Variants in RETREG1 observed in about 807,000 individuals in gnomAD.
RETREG1 encodes family with sequence similarity 134 member B.
RETREG1 carries 44 observed loss-of-function variants against 54.8 expected under a neutral mutation model. That is an observed-to-expected ratio of 0.80 (90% confidence interval 0.63 to 1.03). RETREG1 has a LOEUF of 1.03. RETREG1 is among the 50% of genes least tolerant of loss of function. The pLI, the probability that RETREG1 is intolerant of heterozygous loss-of-function variation, is 0.00. For synonymous variants in RETREG1, 217 were observed against 238.5 expected (o/e 0.91, Z 0.83); for missense variants, 554 against 605.1 (o/e 0.92, Z 0.89).
chr5:16,616,929 G>T lies in RETREG1; in HGVS notation c.43C>A (p.Pro15Thr). The change falls in exon 1 of 9, where the codon CCG becomes ACG. Residue 15 changes from proline to threonine, a missense_variant. Transcript: ENST00000306320. ...GCCTGCTCCTCGGCGGCAGGAGCCG[G>T]GCATCCCTCCTCGGCGTGCTCCGGA... Reference protein sequence around the residue: ...APPEHAEEGCPAPAAEEQAPP... With the variant: ...APPEHAEEGCTAPAAEEQAPP... 1 of 1,475,712 alleles carries T rather than the reference G, an allele frequency of 6.8e-7. No individual in the cohort carries two copies. The highest frequency in any genetic ancestry group is 2.3e-5 in the Admixed American group (1 of 42,884). 91.4% of individuals were successfully genotyped at this position (1,475,712 alleles called of 1,614,324 possible).
rs149699922 is a variant in RETREG1 at position 16,528,477 on chromosome 5, T to G, written c.458+37286A>C. Reference sequence around the variant, plus strand: ...GTGATGGATATATATTCCACCTGCCTGGGACAGGAGTCAGCTCTGGATGAC... The same window carrying G: ...GTGATGGATATATATTCCACCTGCCGGGGACAGGAGTCAGCTCTGGATGAC... On this transcript the variant is annotated intron_variant, in intron 3 of 8. Coordinates refer to ENST00000306320, the MANE Select transcript of RETREG1 (RefSeq NM_001034850.3). 6.3e-4 allele frequency among the ~76,000 whole-genome samples: 96 copies of G among 152,240 alleles called. No individual in the cohort carries two copies. In the East Asian group the frequency reaches 0.018, roughly 29 times the overall value.
At chr5:16,534,956 T>C (rs1017771259) in intron 3 of RETREG1, among the ~76,000 whole-genome samples, 5 of 152,210 alleles carry the variant, frequency 3.3e-5, no homozygotes, top group Non-Finnish European at 7.3e-5. Flanking sequence ...GGTCCAGGGA[T>C]AGATAAGAGA....
chr5:16,542,886 T>C lies in RETREG1; in HGVS notation c.458+22877A>G, dbSNP rs1389576427. On this transcript the variant is annotated intron_variant, in intron 3 of 8. Transcript: ENST00000306320. ...ACTGCGCATAAGTTTTAACGTTTGA[T>C]AACTTTTGACAGAGCTATACAGCCA... Among the ~76,000 whole-genome samples the C allele has an allele frequency of 2.0e-5, 3 of 152,218 alleles. No homozygotes were observed. The East Asian group carries it at 5.8e-4, about 29-fold the overall frequency.
In RETREG1 at chr5:16,585,403, C is replaced by A. The variant is rs2637146; in HGVS notation, c.321-13301G>T. Among the ~76,000 whole-genome samples, 44,413 of 151,986 alleles carry A rather than the reference C, an allele frequency of 0.29. 6,586 individuals carry two copies. The highest frequency in any genetic ancestry group is 0.42 in the East Asian group (2,153 of 5,154). On this transcript the variant is annotated intron_variant, in intron 1 of 8. Transcript: ENST00000306320. This position sits in a 1 kb window ranked among gnomAD's most constrained non-coding sequence, Gnocchi z 4.5. ...GAAACTGAGCATGCTCTACTGTGCACCCTTGCACTGGAATTATGAGAAAAG... is the reference window on the plus strand; with the variant it reads ...GAAACTGAGCATGCTCTACTGTGCAACCTTGCACTGGAATTATGAGAAAAG...
intron 1 of RETREG1, among the ~76,000 whole-genome samples, chr5:16,584,144 G>C (rs1164139608): frequency 5.9e-5 from 9 of 152,162 alleles, no homozygotes; most frequent in Non-Finnish European, 1.3e-4. Flanking sequence ...TGGGAGAAAG[G>C]GTGGAGGGGG....
At chr5:16,573,479 A>G (rs1419339157) in intron 1 of RETREG1, among the ~76,000 whole-genome samples, 1 of 152,194 alleles carries the variant, frequency 6.6e-6, no homozygotes, top group Non-Finnish European at 1.5e-5. Flanking sequence ...ACTCATAGAA[A>G]AATTAATTTA....
chr5:16,479,678 A>G (rs1642809528), intron 5 of RETREG1, among the ~76,000 whole-genome samples: 1 of 152,144 alleles, frequency 6.6e-6, no homozygotes, highest in South Asian at 2.1e-4. Flanking sequence ...TGCATTATGC[A>G]TTAAGAATAC....
At position 16,585,574 on chromosome 5, in the gene RETREG1, C is replaced by T. The variant is rs540742297; in HGVS notation, c.321-13472G>A. 6.6e-5 allele frequency among the ~76,000 whole-genome samples: 10 copies of T among 152,254 alleles called. No homozygotes were observed. Among genetic ancestry groups the T allele is most frequent in the Non-Finnish European group, 1.2e-4 (8 of 68,022 alleles). ...CAGGGAAGGGGACTTCGAGGCAGGG[C>T]GGGTGAGTCAAGTTCTGCAGCCCAC... On this transcript the variant is annotated intron_variant, in intron 1 of 8. Coordinates refer to ENST00000306320, the MANE Select transcript of RETREG1 (RefSeq NM_001034850.3). This position sits in a 1 kb window ranked among gnomAD's most constrained non-coding sequence, Gnocchi z 4.5.
intron 1 of RETREG1, among the ~76,000 whole-genome samples, chr5:16,610,075 C>A (rs908196534): frequency 6.6e-6 from 1 of 152,142 alleles, no homozygotes; most frequent in African/African-American, 2.4e-5. Context: ...TAGCCCAGGA[C>A]CTCACTTTGA....
chr5:16,562,676 C>G (rs1741890802), intron 3 of RETREG1, among the ~76,000 whole-genome samples: 1 of 152,156 alleles, frequency 6.6e-6, no homozygotes, highest in Non-Finnish European at 1.5e-5. Context: ...AAAACACATA[C>G]CCCCAATCTA....
At chr5:16,548,009 T>C (rs1741434562) in intron 3 of RETREG1, among the ~76,000 whole-genome samples, 1 of 152,138 alleles carries the variant, frequency 6.6e-6, no homozygotes, top group East Asian at 1.9e-4. Context: ...TTATATCCTA[T>C]AAGTACATAA....
intron 3 of RETREG1, among the ~76,000 whole-genome samples, chr5:16,548,995 G>C (rs571228515): frequency 3.2e-4 from 48 of 152,368 alleles, no homozygotes; most frequent in African/African-American, 1.1e-3. Flanking sequence ...CACTGACACA[G>C]TAGCAGAGCT....
intron 1 of RETREG1, among the ~76,000 whole-genome samples, chr5:16,596,778 G>C (rs1182041153): frequency 6.6e-6 from 1 of 152,128 alleles, no homozygotes; most frequent in Admixed American, 6.5e-5. Flanking sequence ...GTGAGTGCCT[G>C]GAGACACGTG....
At chr5:16,554,270 C>T (rs1374754727) in intron 3 of RETREG1, among the ~76,000 whole-genome samples, 4 of 152,234 alleles carry the variant, frequency 2.6e-5, no homozygotes, top group African/African-American at 9.6e-5. Context: ...GGAACCTCTC[C>T]GTTGAGCCTC....
At chr5:16,541,835 A>G (rs1033764283) in intron 3 of RETREG1, among the ~76,000 whole-genome samples, 1 of 152,016 alleles carries the variant, frequency 6.6e-6, no homozygotes, top group African/African-American at 2.4e-5. Flanking sequence ...ATAGAAAGAA[A>G]TAACATCCAG....
chr5:16,590,303 C>T (rs1193059663), intron 1 of RETREG1, among the ~76,000 whole-genome samples: 2 of 152,132 alleles, frequency 1.3e-5, no homozygotes, highest in East Asian at 1.9e-4. Context: ...ACGACAGCAG[C>T]GCCTGCGGTA....
intron 1 of RETREG1, among the ~76,000 whole-genome samples, chr5:16,598,369 G>C (rs902092369): frequency 9.9e-5 from 15 of 152,184 alleles, no homozygotes; most frequent in African/African-American, 3.6e-4. Context: ...TTCCATGAGG[G>C]AAGAAGACAC....
At position 16,477,801 on chromosome 5, in the gene RETREG1, A is replaced by C; in HGVS notation, c.874-13T>G. On this transcript the variant is annotated splice_polypyrimidine_tract_variant and intron_variant, in intron 7 of 8. Coordinates refer to ENST00000306320, the MANE Select transcript of RETREG1 (RefSeq NM_001034850.3). The stretch of plus-strand genomic sequence containing the variant: ...CCGTGAGGCTAATCTGTGTTAATAT[A>C]AATAAATACCAGCGGCACATTTTAA... The C allele has an allele frequency of 6.2e-7, 1 of 1,613,196 alleles. No individual in the cohort carries two copies. The highest frequency in any genetic ancestry group is 1.1e-5 in the South Asian group (1 of 91,036).
At chr5:16,556,219 C>G (rs1430718056) in intron 3 of RETREG1, among the ~76,000 whole-genome samples, 1 of 150,596 alleles carries the variant, frequency 6.6e-6, no homozygotes, top group Non-Finnish European at 1.5e-5. Flanking sequence ...AGTGCAGTGG[C>G]GTGATCTTGG....
Sources: gnomAD v4.1 joint callset for allele counts (sites outside exome capture counted in the v4.1 genomes callset) on GRCh38, gnomAD v4.1.1 for gene constraint, Gnocchi (gnomAD v3.1) non-coding constraint, MANE v1.5 for transcripts, NCBI Gene and HGNC (gene_info 2026-07-23, HGNC 2026-07-21) for gene names.